PDXDC1: variants seen among roughly 807,000 people sequenced by gnomAD.
The protein encoded by PDXDC1 is pyridoxal dependent decarboxylase domain containing 1, also known as pyridoxal-dependent decarboxylase domain-containing protein 1.
A neutral mutation model predicts 100.1 loss-of-function variants in PDXDC1; 42 were observed. That is an observed-to-expected ratio of 0.42 (90% CI 0.33 to 0.54). The LOEUF (loss-of-function observed/expected upper bound fraction) is 0.54, where lower values mean the gene tolerates loss of function less well. Ranked by LOEUF, PDXDC1 falls within the 20% of genes least tolerant of loss-of-function variation. The pLI is 0.10. For synonymous variants in PDXDC1, 260 were observed against 371.7 expected, an observed-to-expected ratio of 0.70 and a Z score of 3.46; for missense variants, 636 against 979.2, an observed-to-expected ratio of 0.65 and a Z score of 4.68.
At chr16:14,982,140 G>A (rs1403082618) in intron 1 of PDXDC1, among the ~76,000 whole-genome samples, 1 of 152,264 alleles carries the variant, frequency 6.6e-6, no homozygotes, top group Non-Finnish European at 1.5e-5. Flanking sequence ...GAATTTGTAA[G>A]GTTAAATACT....
At chr16:14,990,010 G>A (rs1970375324) in intron 1 of PDXDC1, 16 of 1,477,854 alleles carry the variant, frequency 1.1e-5, no homozygotes, top group Non-Finnish European at 1.4e-5. Context: ...CAGGACCAGG[G>A]AAGCAGGTGC....
intron 16 of PDXDC1, chr16:15,104,443 T>G (rs375074947): frequency 1.3e-5 from 17 of 1,306,304 alleles, no homozygotes; most frequent in South Asian, 3.0e-5. Context: ...AGGGTGGAGC[T>G]GAGGGTGGAA....
chr16:15,086,027 A>C, intron 16 of PDXDC1: 1 of 906,574 alleles, frequency 1.1e-6, no homozygotes, highest in Non-Finnish European at 1.7e-6. Flanking sequence ...GCCAATATGC[A>C]TCTGGAATCT....
chr16:15,144,155 A>C (rs1388227046), downstream of PDXDC1, among the ~76,000 whole-genome samples: 1 of 152,018 alleles, frequency 6.6e-6, no homozygotes, highest in Non-Finnish European at 1.5e-5. Context: ...CCCTCCCGAG[A>C]GCAGGCCCAG....
intron 13 of PDXDC1, among the ~76,000 whole-genome samples, chr16:15,023,383 T>G (rs1459226361): frequency 6.6e-6 from 1 of 152,294 alleles, no homozygotes; most frequent in East Asian, 1.9e-4. Flanking sequence ...CTGATTTAAA[T>G]AGGTTCATTG....
intron 16 of PDXDC1, among the ~76,000 whole-genome samples, chr16:15,097,475 A>G (rs2046396870): frequency 1.4e-5 from 2 of 144,290 alleles, no homozygotes; most frequent in African/African-American, 2.7e-5. Flanking sequence ...ATACAAAAAA[A>G]AAAAAAAAAA....
At chr16:14,983,593 A>G (rs2151183023) in intron 1 of PDXDC1, among the ~76,000 whole-genome samples, 1 of 152,254 alleles carries the variant, frequency 6.6e-6, no homozygotes, top group Non-Finnish European at 1.5e-5. Context: ...AAAAAAAAAA[A>G]AAAAAAGCCT....
chr16:15,122,953 T>G (rs2047510941), intron 16 of PDXDC1, among the ~76,000 whole-genome samples: 1 of 149,024 alleles, frequency 6.7e-6, no homozygotes, highest in East Asian at 2.0e-4. Context: ...TGGGAAAGGA[T>G]CCGGTTCAAA....
chr16:15,050,064 C>A (rs1010367180), intron 16 of PDXDC1, among the ~76,000 whole-genome samples: 4 of 152,112 alleles, frequency 2.6e-5, no homozygotes, highest in Non-Finnish European at 5.9e-5. Context: ...TGTTCTATCA[C>A]ATAGTTATTG....
chr16:15,129,229 C>G (rs1032665004), intron 16 of PDXDC1, among the ~76,000 whole-genome samples: 2 of 151,514 alleles, frequency 1.3e-5, no homozygotes, highest in Non-Finnish European at 2.9e-5. Flanking sequence ...AGCACTCTGG[C>G]AGGCCGAGGC....
chr16:15,056,996 T>C (rs942746863), intron 16 of PDXDC1, among the ~76,000 whole-genome samples: 2 of 152,274 alleles, frequency 1.3e-5, no homozygotes, highest in African/African-American at 4.8e-5. Context: ...CGTCTCACCG[T>C]GGAGCTCTCT....
intron 13 of PDXDC1, among the ~76,000 whole-genome samples, chr16:15,024,032 T>G (rs918651730): frequency 2.6e-5 from 4 of 152,282 alleles, no homozygotes; most frequent in Admixed American, 1.3e-4. Context: ...TTGAGCGCAC[T>G]TGGCTTTTCC....
chr16:15,035,488 C>G lies in PDXDC1; in HGVS notation c.2042C>G (p.Ala681Gly), dbSNP rs1371942408. The change falls in exon 22 of 23, where the codon GCA (alanine) becomes GGA (glycine). Residue 681 changes from alanine to glycine, a missense_variant. This residue lies in a region of PDXDC1 where 452 missense variants were observed against 402.9 expected (regional missense o/e 1.12). Coordinates refer to ENST00000396410, the MANE Select transcript of PDXDC1 (RefSeq NM_015027.4). ...ACAGAACCCATATATGTCTACAAAG[C>G]ACAAGGTGCAGGAGTCACGCTGCCT... ...ESTEPIYVYKAQGAGVTLPPT... is the reference protein window; with the variant it reads ...ESTEPIYVYKGQGAGVTLPPT... 1 of 1,612,130 alleles carries G rather than the reference C, an allele frequency of 6.2e-7. No homozygotes were observed. Among genetic ancestry groups the G allele is most frequent in the Non-Finnish European group, 8.5e-7 (1 of 1,179,432 alleles).
chr16:15,041,170 G>T (rs755997046), downstream of PDXDC1: 9 of 1,177,580 alleles, frequency 7.6e-6, no homozygotes, highest in African/African-American at 1.5e-5. Flanking sequence ...AATACCAAAT[G>T]ATTATTTTTA....
chr16:14,992,777 G>A (rs867422887), intron 1 of PDXDC1, among the ~76,000 whole-genome samples: 685 of 152,162 alleles, frequency 4.5e-3, no homozygotes, highest in African/African-American at 0.015. Flanking sequence ...TAGGCAAGTC[G>A]CTTAACCTCT....
At chr16:14,983,295 G>T (rs372729124) in intron 1 of PDXDC1, among the ~76,000 whole-genome samples, 1 of 152,272 alleles carries the variant, frequency 6.6e-6, no homozygotes. Flanking sequence ...TCTCTTGGCC[G>T]GGTATGGTGG....
chr16:15,010,931 A>G (rs1210139996), intron 8 of PDXDC1, among the ~76,000 whole-genome samples: 3 of 152,300 alleles, frequency 2.0e-5, no homozygotes, highest in African/African-American at 7.2e-5. Context: ...ACTGAGAGAA[A>G]TTCAAGAAGA....
At chr16:15,056,972 C>G (rs2044547482) in intron 16 of PDXDC1, among the ~76,000 whole-genome samples, 1 of 152,008 alleles carries the variant, frequency 6.6e-6, no homozygotes, top group South Asian at 2.1e-4. Flanking sequence ...AGGACAGGTC[C>G]CCAAGGTGAG....
At chr16:15,141,258 C>A (rs1170181070), downstream of PDXDC1, among the ~76,000 whole-genome samples, 1 of 152,214 alleles carries the variant, frequency 6.6e-6, no homozygotes, top group Non-Finnish European at 1.5e-5. Flanking sequence ...CCTGGTGGGG[C>A]CCGGGGCCAG....
Sources: allele counts gnomAD v4.1 joint callset (sites outside exome capture counted in the v4.1 genomes callset), GRCh38; gene constraint gnomAD v4.1.1; regional missense constraint gnomAD v4.1.1; transcripts MANE v1.5; gene names NCBI Gene and HGNC (gene_info 2026-07-23, HGNC 2026-07-21).